Variants in ACSM3 observed in about 807,000 individuals in gnomAD.
The protein encoded by ACSM3 is acyl-coenzyme A synthetase ACSM3, mitochondrial.
Under a neutral mutation model 74.1 loss-of-function variants are expected in ACSM3, and 61 were observed. The ratio of observed to expected loss-of-function variants is 0.82; its 90% CI spans 0.67 to 1.02. ACSM3 has a LOEUF of 1.02. ACSM3 is among the 50% of genes least tolerant of loss of function. ACSM3 has a pLI of 0.00. For missense variants in ACSM3, 660 were observed against 697.0 expected, an observed-to-expected ratio of 0.95 and a Z score of 0.60; for synonymous variants, 213 against 241.5, an observed-to-expected ratio of 0.88 and a Z score of 1.09.
intron 1 of ACSM3, among the ~76,000 whole-genome samples, chr16:20,742,739 CA>C (rs1214854768): frequency 1.3e-5 from 2 of 150,802 alleles, no homozygotes; most frequent in African/African-American, 2.4e-5. Context: ...CTCTGGAGCC[CA>C]GGCTGTTGCT....
intron 1 of ACSM3, among the ~76,000 whole-genome samples, chr16:20,684,227 T>C (rs1244265257): frequency 6.6e-6 from 1 of 152,174 alleles, no homozygotes. Context: ...AAAACCAACA[T>C]GGTAATATTC....
rs865774337 is a variant in ACSM3 at position 20,796,898 on chromosome 16, C to G, written c.1687C>G (p.Gln563Glu). The G allele has an allele frequency of 6.2e-7, 1 of 1,611,342 alleles. No individual in the cohort carries two copies. The highest frequency in any genetic ancestry group is 2.2e-5 in the East Asian group (1 of 44,624). The change falls in exon 14 of 14, where the codon CAA becomes GAA. Residue 563 changes from glutamine to glutamate, a missense_variant. Physicochemically the swap from Gln to Glu is conservative, Grantham distance 29 (BLOSUM62 2). Transcript: ENST00000289416. ...YKYPRKVEFI[Q>E]ELPKTISGKT... ...TTGATGCCAACAGGTAGAATTTATT[C>G]AAGAGCTGCCAAAGACTATCAGTGG...
intron 1 of ACSM3, chr16:20,728,408 T>C (rs1240166035): frequency 6.9e-7 from 1 of 1,441,710 alleles, no homozygotes; most frequent in Non-Finnish European, 9.7e-7. Context: ...AAAATGGCAA[T>C]GTTCTACCAC....
intron 1 of ACSM3, chr16:20,721,484 T>C (rs2079785299): frequency 6.6e-6 from 1 of 152,102 alleles, no homozygotes; most frequent in African/African-American, 2.4e-5. Flanking sequence ...TAAATTACTT[T>C]TTATTAAAGA....
intron 1 of ACSM3, chr16:20,722,193 G>A (rs2079788187): frequency 6.6e-6 from 1 of 152,200 alleles, no homozygotes; most frequent in African/African-American, 2.4e-5. Context: ...ATTGGGGTAT[G>A]AGCCTTTTTT....
intron 2 of ACSM3, among the ~76,000 whole-genome samples, chr16:20,775,061 G>A (rs2080239494): frequency 6.6e-6 from 1 of 152,086 alleles, no homozygotes; most frequent in South Asian, 2.1e-4. Flanking sequence ...GGGGTGTAGA[G>A]TGCTGTGTGT....
chr16:20,738,166 CATT>C (rs985180626), intron 1 of ACSM3: 55 of 619,714 alleles, frequency 8.9e-5, no homozygotes, highest in East Asian at 3.5e-4. Flanking sequence ...AACTTTTCAT[CATT>C]ATTACTGCTT....
chr16:20,736,266 C>A (rs1234710238), intron 1 of ACSM3: 35 of 152,014 alleles, frequency 2.3e-4, no homozygotes, highest in Admixed American at 2.3e-3. Context: ...TCTTCATCAC[C>A]AACCTTTTCA....
chr16:20,710,630 C>G (rs1414376554), intron 1 of ACSM3, among the ~76,000 whole-genome samples: 1 of 152,096 alleles, frequency 6.6e-6, no homozygotes, highest in Non-Finnish European at 1.5e-5. Flanking sequence ...CAGGTGTGAG[C>G]CAACATGCCC....
At position 20,777,516 on chromosome 16, in the gene ACSM3, C is replaced by T; in HGVS notation, c.574C>T (p.His192Tyr). 6.2e-7 allele frequency: 1 copy of T among 1,614,016 alleles called. No homozygotes were observed. The highest frequency in any genetic ancestry group is 1.1e-5 in the South Asian group (1 of 91,078). ...DAVASKCENL[H>Y]SKLIVSENSR... ...TGTTGCATCCAAATGTGAAAATCTG[C>T]ACTCCAAGCTGATTGTATCAGAGAA... The change falls in exon 4 of 14, where the codon CAC becomes TAC. Residue 192 changes from histidine (H) to tyrosine (Y), a missense_variant. Coordinates refer to ENST00000289416, the MANE Select transcript of ACSM3 (RefSeq NM_005622.4).
At chr16:20,682,349 T>G in intron 1 of ACSM3, 2 of 1,613,834 alleles carry the variant, frequency 1.2e-6, no homozygotes, top group Non-Finnish European at 1.7e-6. Flanking sequence ...AGCTATGGAG[T>G]CCACCTCTGA....
chr16:20,683,760 G>A (rs2079496937), intron 1 of ACSM3, among the ~76,000 whole-genome samples: 1 of 138,732 alleles, frequency 7.2e-6, no homozygotes, highest in South Asian at 2.3e-4. Context: ...AGTAGAGATG[G>A]GGTTTCACCA....
At chr16:20,719,921 T>C (rs1053702754) in intron 1 of ACSM3, among the ~76,000 whole-genome samples, 1 of 152,232 alleles carries the variant, frequency 6.6e-6, no homozygotes, top group Non-Finnish European at 1.5e-5. Context: ...TATCAGATAA[T>C]TCTAATTTCT....
At chr16:20,784,243 T>A (rs1234348110) in intron 7 of ACSM3, among the ~76,000 whole-genome samples, 1 of 152,204 alleles carries the variant, frequency 6.6e-6, no homozygotes, top group Non-Finnish European at 1.5e-5. Context: ...TATTTCAATA[T>A]AAATATTAAG....
intron 3 of ACSM3, 38 bp downstream of exon 3, chr16:20,776,087 A>G: frequency 6.2e-7 from 1 of 1,601,982 alleles, no homozygotes; most frequent in Non-Finnish European, 8.5e-7. Context: ...TTTATTACTA[A>G]GCTGGAGGGG....
intron 1 of ACSM3, among the ~76,000 whole-genome samples, chr16:20,733,443 G>C (rs1381936726): frequency 6.6e-6 from 1 of 152,048 alleles, no homozygotes; most frequent in African/African-American, 2.4e-5. Context: ...AGTAAGTACT[G>C]TATTACTATG....
intron 2 of ACSM3, among the ~76,000 whole-genome samples, chr16:20,771,371 C>CCT (rs2080191736): frequency 1.2e-5 from 1 of 85,252 alleles, no homozygotes; most frequent in South Asian, 4.5e-4. Context: ...GGCCGAGCTC[C>CCT]TTTTTTTTTT....
At chr16:20,795,565 A>G (rs1356931493) in intron 12 of ACSM3, among the ~76,000 whole-genome samples, 1 of 152,252 alleles carries the variant, frequency 6.6e-6, no homozygotes, top group African/African-American at 2.4e-5. Flanking sequence ...CTTGAATTTA[A>G]TAAGATTTCA....
In ACSM3 at chr16:20,773,588, T is replaced by C. The variant is rs1296544916; in HGVS notation, c.220-2251T>C. Among the ~76,000 whole-genome samples the C allele has an allele frequency of 3.3e-5, 5 of 152,344 alleles. No homozygotes were observed. In the East Asian group the frequency reaches 7.7e-4, roughly 23 times the overall value. On this transcript the variant is annotated intron_variant, in intron 2 of 13. Transcript: ENST00000289416. ...TCATTATTTTCAAGACATTTTTTGC[T>C]TTCCTTCTCAATTTCATCATTGACT...
Sources: allele counts gnomAD v4.1 joint callset (sites outside exome capture counted in the v4.1 genomes callset), GRCh38; gene constraint gnomAD v4.1.1; transcripts MANE v1.5; gene names NCBI Gene and HGNC (gene_info 2026-07-23, HGNC 2026-07-21).